SYT17: variants seen among roughly 807,000 people sequenced by gnomAD.
SYT17 encodes synaptotagmin-17.
SYT17 carries 22 observed loss-of-function variants against 46.7 expected under a neutral mutation model. The ratio of observed to expected loss-of-function variants is 0.47; its 90% CI spans 0.34 to 0.67. The LOEUF (loss-of-function observed/expected upper bound fraction) is 0.67. Ranked by LOEUF, SYT17 falls within the 30% of genes least tolerant of loss-of-function variation. The probability of loss-of-function intolerance (pLI) is 0.01; values close to 1 mark genes in which losing one functional copy is unlikely to be tolerated. For missense variants in SYT17, 519 were observed against 612.8 expected (o/e 0.85, Z 1.62); for synonymous variants, 251 against 248.4 (o/e 1.01, Z -0.10).
chr16:19,174,364 A>C (rs771387442), intron 3 of SYT17, among the ~76,000 whole-genome samples: 1 of 152,196 alleles, frequency 6.6e-6, no homozygotes, highest in Non-Finnish European at 1.5e-5. Flanking sequence ...GGGAAGGATC[A>C]AGAAGTCATC....
chr16:19,231,568 A>G (rs2352983), intron 7 of SYT17, among the ~76,000 whole-genome samples: 131,388 of 141,908 alleles, frequency 0.93, 60,883 homozygotes, highest in Middle Eastern at 0.96. Context: ...AAAAAGTCTT[A>G]TTCCCTTGGC....
intron 1 of SYT17, chr16:19,172,436 A>G: frequency 1.4e-6 from 2 of 1,438,604 alleles, no homozygotes; most frequent in Admixed American, 3.1e-5. Flanking sequence ...GTGTGGCTGC[A>G]TTGGATAGCA....
intron 7 of SYT17, among the ~76,000 whole-genome samples, chr16:19,263,856 G>C (rs959543872): frequency 1.4e-4 from 22 of 152,144 alleles, no homozygotes; most frequent in African/African-American, 5.3e-4. Flanking sequence ...GCAGATATGT[G>C]AGGCTTTGAG....
chr16:19,172,963 A>C, intron 2 of SYT17, 186 bp downstream of exon 2: 2 of 691,100 alleles, frequency 2.9e-6, no homozygotes, highest in South Asian at 2.0e-5. Context: ...ACCAGTTGAC[A>C]AGACAAGTTT....
intron 5 of SYT17, among the ~76,000 whole-genome samples, chr16:19,214,681 G>A (rs965181551): frequency 3.9e-5 from 6 of 152,160 alleles, no homozygotes; most frequent in Non-Finnish European, 5.9e-5. Flanking sequence ...CCCTGAGTGT[G>A]ATGGCAACTC....
chr16:19,261,124 A>T (rs1968947826), intron 7 of SYT17, among the ~76,000 whole-genome samples: 1 of 152,020 alleles, frequency 6.6e-6, no homozygotes, highest in Non-Finnish European at 1.5e-5. Context: ...TACAGGTGTG[A>T]GCCACTGCAC....
intron 5 of SYT17, among the ~76,000 whole-genome samples, chr16:19,195,949 C>T (rs1965223801): frequency 1.3e-5 from 2 of 152,096 alleles, no homozygotes; most frequent in African/African-American, 4.8e-5. Context: ...GGCAACACTG[C>T]ACTCCAGCCT....
intron 5 of SYT17, among the ~76,000 whole-genome samples, chr16:19,203,002 T>A (rs1965524069): frequency 6.6e-6 from 1 of 152,130 alleles, no homozygotes; most frequent in African/African-American, 2.4e-5. Flanking sequence ...TTTTGGAAGG[T>A]CTTTGCCAGC....
Position 19,267,439 on chromosome 16 carries a change from C to A in SYT17, c.*363C>A. The A allele has an allele frequency of 5.9e-6, 1 of 168,514 alleles. No individual in the cohort carries two copies. Among genetic ancestry groups the A allele is most frequent in the Non-Finnish European group, 1.3e-5 (1 of 78,916 alleles). The allele number at this position is 168,514 out of a possible 1,614,324, so 10.4% of individuals were successfully genotyped here. A position where few individuals can be genotyped will look rare whatever the true frequency, so the allele number is the denominator to read the frequency against. ...AGAGAAAGGACCTCCCAAAGGGTGC[C>A]AAGCTCCATCAAGACTAAATTTACC... On this transcript the variant is annotated 3_prime_UTR_variant, in exon 8 of 8. Coordinates refer to ENST00000355377, the MANE Select transcript of SYT17 (RefSeq NM_016524.4).
intron 5 of SYT17, among the ~76,000 whole-genome samples, chr16:19,197,368 G>C (rs1255394371): frequency 6.6e-6 from 1 of 152,026 alleles, no homozygotes; most frequent in Non-Finnish European, 1.5e-5. Flanking sequence ...TGTTTGTTTT[G>C]ATTTGTTTTT....
rs372312090 is a variant in SYT17, at chr16:19,260,219, A to G, written c.1229-6661A>G. 5.5e-4 allele frequency among the ~76,000 whole-genome samples: 84 copies of G among 151,708 alleles called. No individual in the cohort carries two copies. The East Asian group carries it at 7.4e-3, about 13-fold the overall frequency. ...AAAGAGTCTCTTCTGGCTGGGCGCA[A>G]TGGCTCACACCTGTAATCCCGACAC... On this transcript the variant is annotated intron_variant, in intron 7 of 7. Coordinates refer to ENST00000355377, the MANE Select transcript of SYT17 (RefSeq NM_016524.4).
intron 7 of SYT17, among the ~76,000 whole-genome samples, chr16:19,261,808 A>G (rs950259746): frequency 7.2e-5 from 11 of 152,170 alleles, no homozygotes; most frequent in Non-Finnish European, 7.3e-5. Context: ...TTTCCATTTC[A>G]TATAGATAAG....
intron 7 of SYT17, among the ~76,000 whole-genome samples, chr16:19,227,322 C>T (rs1314195278): frequency 2.6e-5 from 2 of 77,076 alleles, no homozygotes; most frequent in Admixed American, 1.3e-4. Flanking sequence ...TCCTTCTCCC[C>T]GCTTTTTTTT....
intron 7 of SYT17, among the ~76,000 whole-genome samples, chr16:19,243,536 G>A (rs1017544108): frequency 1.3e-4 from 20 of 152,222 alleles, no homozygotes; most frequent in East Asian, 5.8e-4. Flanking sequence ...CTGGCTGGGC[G>A]CAGTGGCTCA....
chr16:19,180,465 C>G lies in SYT17; in HGVS notation c.257C>G (p.Thr86Ser). The G allele has an allele frequency of 6.2e-7, 1 of 1,614,190 alleles. No individual in the cohort carries two copies. The highest frequency in any genetic ancestry group is 8.5e-7 in the Non-Finnish European group (1 of 1,180,038). ...AGCGAAGTCCCGCTGACCCCACGGA[C>G]CAATTCCCCGGATGGAAGACGCTCG... ...TASEVPLTPR[T>S]NSPDGRRSSS... Residue 86 changes from threonine to serine, a missense_variant, in exon 4 of 8, where the codon ACC (threonine) becomes AGC (serine). Transcript: ENST00000355377.
intron 7 of SYT17, among the ~76,000 whole-genome samples, chr16:19,247,622 A>G (rs1967677817): frequency 6.6e-6 from 1 of 152,114 alleles, no homozygotes; most frequent in Non-Finnish European, 1.5e-5. Context: ...GGAGGTCCCA[A>G]CTCCTTGCCC....
chr16:19,248,820 T>TCAA (rs539379175), intron 7 of SYT17, among the ~76,000 whole-genome samples: 4 of 151,738 alleles, frequency 2.6e-5, no homozygotes, highest in Non-Finnish European at 5.9e-5. Context: ...AGACTCTGTC[T>TCAA]CAACAACAAC....
At chr16:19,237,398 G>C (rs1966863289) in intron 7 of SYT17, among the ~76,000 whole-genome samples, 1 of 152,124 alleles carries the variant, frequency 6.6e-6, no homozygotes, top group Non-Finnish European at 1.5e-5. Flanking sequence ...GGACCAAATT[G>C]AGGGCTAGCT....
chr16:19,237,761 C>T (rs953001687), intron 7 of SYT17, among the ~76,000 whole-genome samples: 26 of 152,136 alleles, frequency 1.7e-4, no homozygotes, highest in African/African-American at 2.7e-4. Flanking sequence ...AATTCTTTCC[C>T]GGGCAAAGCC....
Sources: gnomAD v4.1 joint callset for allele counts (sites outside exome capture counted in the v4.1 genomes callset) on GRCh38, gnomAD v4.1.1 for gene constraint, MANE v1.5 for transcripts, NCBI Gene and HGNC (gene_info 2026-07-23, HGNC 2026-07-21) for gene names.